STAG2: variants seen among roughly 807,000 people sequenced by gnomAD.
The protein encoded by STAG2 is cohesin subunit SA-2.
A neutral mutation model predicts 108.1 loss-of-function variants in STAG2; 14 were observed. The observed-to-expected ratio is 0.13, with a 90% CI of 0.09 to 0.20. The LOEUF is 0.20. Ranked by LOEUF, STAG2 falls within the 10% of genes least tolerant of loss-of-function variation. The pLI is 1.00. For missense variants in STAG2, 440 were observed against 940.9 expected (o/e 0.47, Z 6.96); for synonymous variants, 307 against 302.7 (o/e 1.01, Z -0.15).
chrX:123,998,168 A>AT (rs1170203471), intron 1 of STAG2, among the ~76,000 whole-genome samples: 3,888 of 84,200 alleles, frequency 0.046, 287 homozygotes, highest in African/African-American at 0.14. Flanking sequence ...ACTGTGTTTA[A>AT]TTTTTTTTTT....
intron 16 of STAG2, 29 bp from the exon 17 acceptor site, chrX:124,061,742 A>ATTTTT: frequency 1.4e-6 from 1 of 693,954 alleles, no homozygotes; most frequent in Admixed American, 4.2e-5. Flanking sequence ...ACTCTTTCTG[A>ATTTTT]CTTTTTTTTT....
intron 1 of STAG2, among the ~76,000 whole-genome samples, chrX:124,014,830 G>A (rs1022181545): frequency 6.3e-5 from 7 of 110,239 alleles, no homozygotes; most frequent in Non-Finnish European, 7.6e-5. Context: ...AATTCTGTAG[G>A]ACTCCATCCA....
chrX:124,010,651 G>C (rs1569502347), intron 1 of STAG2, among the ~76,000 whole-genome samples: 1 of 111,524 alleles, frequency 9.0e-6, no homozygotes, highest in East Asian at 2.8e-4. Flanking sequence ...AAGCAAAGCG[G>C]TGTACAGCAG....
intron 1 of STAG2, among the ~76,000 whole-genome samples, chrX:123,978,066 A>G (rs2054707810): frequency 9.4e-6 from 1 of 106,761 alleles, no homozygotes; most frequent in South Asian, 4.1e-4. Context: ...CTGGTTTTGA[A>G]CTCGTGGGCT....
chrX:123,979,543 A>G (rs1031589705), intron 1 of STAG2, among the ~76,000 whole-genome samples: 2 of 111,572 alleles, frequency 1.8e-5, no homozygotes, highest in Non-Finnish European at 3.8e-5. Context: ...GGCATTCCTT[A>G]GAAGTGAAAT....
chrX:124,043,731 A>G (rs1024711077), intron 7 of STAG2, among the ~76,000 whole-genome samples: 1 of 111,634 alleles, frequency 9.0e-6, no homozygotes, highest in South Asian at 3.7e-4. Flanking sequence ...TTATTGTTTA[A>G]AAACTCTTAA....
At chrX:124,042,963 C>T (rs765150704) in intron 7 of STAG2, among the ~76,000 whole-genome samples, 2 of 104,348 alleles carry the variant, frequency 1.9e-5, no homozygotes, top group South Asian at 4.6e-4. Flanking sequence ...TGCAGTGAGC[C>T]GAGCTCTCGC....
intron 1 of STAG2, among the ~76,000 whole-genome samples, chrX:123,996,419 C>A (rs180979616): frequency 1.8e-5 from 2 of 111,660 alleles, no homozygotes; most frequent in South Asian, 3.7e-4. Flanking sequence ...CTAATTTACA[C>A]TTTTTAGCGG....
intron 5 of STAG2, among the ~76,000 whole-genome samples, chrX:124,032,358 G>A (rs1018206068): frequency 5.3e-5 from 6 of 112,158 alleles, no homozygotes; most frequent in Non-Finnish European, 1.1e-4. Context: ...GACAATAGAA[G>A]CATTTAGGCT....
chrX:124,051,275 T>G (rs767501639), intron 12 of STAG2, 40 bp from the exon 13 acceptor site: 1 of 1,172,514 alleles, frequency 8.5e-7, no homozygotes, highest in South Asian at 1.9e-5. Context: ...ACTTTTCTCT[T>G]GCTTTCCTTT....
intron 23 of STAG2, 49 bp downstream of exon 23, chrX:124,066,485 G>A: frequency 1.1e-6 from 1 of 928,411 alleles, no homozygotes; most frequent in Non-Finnish European, 1.5e-6. Context: ...ATCATTAACT[G>A]TTTTCAGCAA....
intron 1 of STAG2, among the ~76,000 whole-genome samples, chrX:123,992,071 G>A (rs933469992): frequency 1.8e-5 from 2 of 112,132 alleles, no homozygotes; most frequent in Non-Finnish European, 3.8e-5. Context: ...CAAATATTGG[G>A]CCATTTTATA....
upstream of STAG2, chrX:123,960,602 CAAAAAAAAAAAAAAAA>C (rs1208693829): frequency 2.9e-4 from 2 of 7,013 alleles, no homozygotes; most frequent in African/African-American, 5.4e-4. Flanking sequence ...GAAGCGCCAC[CAAAAAAAAAAAAAAAA>C]AAAAAAAAAA....
chrX:124,024,824 G>C (rs779058897), intron 3 of STAG2, among the ~76,000 whole-genome samples: 1 of 111,505 alleles, frequency 9.0e-6, no homozygotes, highest in African/African-American at 3.2e-5. Context: ...GCTGGTGCTA[G>C]GTTTACACAT....
intron 29 of STAG2, among the ~76,000 whole-genome samples, 177 bp from the exon 30 acceptor site, chrX:124,086,370 G>A (rs2059107242): frequency 9.0e-6 from 1 of 111,572 alleles, no homozygotes; most frequent in Admixed American, 9.6e-5. Context: ...ATGTTAAACT[G>A]AGTGCTCTGA....
Position 124,045,299 on chromosome X carries a change from G to A in STAG2, c.598G>A (p.Val200Ile). The change falls in exon 8 of 35, where the codon GTC becomes ATC. Residue 200 changes from valine (V) to isoleucine (I), a missense_variant. Coordinates refer to ENST00000371145, the MANE Select transcript of STAG2 (RefSeq NM_001042750.2). Reference sequence around the variant, plus strand: ...ATATGATGAGTATATGATGGATACAGTCATTTCACTTCTTACAGGATTGTC... The same window carrying A: ...ATATGATGAGTATATGATGGATACAATCATTTCACTTCTTACAGGATTGTC... ...IIYDEYMMDT[V>I]ISLLTGLSDS... The A allele has an allele frequency of 8.3e-7, 1 of 1,210,209 alleles. No individual in the cohort carries two copies. The highest frequency in any genetic ancestry group is 1.1e-6 in the Non-Finnish European group (1 of 894,717).
chrX:123,987,066 C>G (rs1377759555), intron 1 of STAG2, among the ~76,000 whole-genome samples: 1 of 110,216 alleles, frequency 9.1e-6, no homozygotes, highest in Non-Finnish European at 1.9e-5. Context: ...GATCTCAGCT[C>G]ACTGCAACCT....
At chrX:124,056,491 T>C (rs1002796292) in intron 14 of STAG2, among the ~76,000 whole-genome samples, 1 of 109,917 alleles carries the variant, frequency 9.1e-6, no homozygotes, top group African/African-American at 3.3e-5. Flanking sequence ...CTCAGCACTT[T>C]GGGAGGCCGA....
chrX:123,994,715 G>A (rs1178724495), intron 1 of STAG2, among the ~76,000 whole-genome samples: 1 of 111,635 alleles, frequency 9.0e-6, no homozygotes. Flanking sequence ...TCTTATTTTT[G>A]TTCTGAAGAG....
Sources: allele counts gnomAD v4.1 joint callset (sites outside exome capture counted in the v4.1 genomes callset), GRCh38; gene constraint gnomAD v4.1.1; transcripts MANE v1.5; gene names NCBI Gene and HGNC (gene_info 2026-07-23, HGNC 2026-07-21).